The following SPRED1 variants were observed in gnomAD, a reference collection of about 807,000 sequenced individuals.
SPRED1 encodes the protein sprouty-related, EVH1 domain-containing protein 1.
Under a neutral mutation model 52.3 loss-of-function variants are expected in SPRED1, and 18 were observed. The ratio of observed to expected loss-of-function variants is 0.34; its 90% CI spans 0.24 to 0.51. The LOEUF (loss-of-function observed/expected upper bound fraction) is 0.51, where lower values mean the gene tolerates loss of function less well. SPRED1 is among the 20% of genes least tolerant of loss of function. The pLI is 0.97. For synonymous variants in SPRED1, 155 were observed against 179.7 expected, an observed-to-expected ratio of 0.86 and a Z score of 1.10; for missense variants, 485 against 551.0, an observed-to-expected ratio of 0.88 and a Z score of 1.20.
chr15:38,282,269 G>GT (rs1245016237), intron 1 of SPRED1, among the ~76,000 whole-genome samples: 1 of 151,964 alleles, frequency 6.6e-6, no homozygotes, highest in Non-Finnish European at 1.5e-5. Flanking sequence ...GAGGTCAGGA[G>GT]TTTGAGACCA....
At position 38,253,013 on chromosome 15, in the gene SPRED1, G is replaced by A; in HGVS notation, c.-173G>A. On this transcript the variant is annotated 5_prime_UTR_variant, in exon 1 of 7. Coordinates refer to ENST00000299084, the MANE Select transcript of SPRED1 (RefSeq NM_152594.3). ...GCCACCCCCCTGCGGGGGTGGCCGG[G>A]GTTCCCGGCTGGGGGGGTACCGTTC... 1.6e-6 allele frequency: 1 copy of A among 642,484 alleles called. No individual in the cohort carries two copies. The highest frequency in any genetic ancestry group is 2.7e-5 in the East Asian group (1 of 36,492). 39.8% of individuals were successfully genotyped at this position (642,484 alleles called of 1,614,324 possible).
At chr15:38,332,102 G>T (rs1009745506) in intron 4 of SPRED1, among the ~76,000 whole-genome samples, 1 of 152,182 alleles carries the variant, frequency 6.6e-6, no homozygotes, top group Non-Finnish European at 1.5e-5. Flanking sequence ...AGAGCACTGT[G>T]TGGATAGACT....
chr15:38,264,238 G>A (rs1373286334), intron 1 of SPRED1, among the ~76,000 whole-genome samples: 6 of 152,174 alleles, frequency 3.9e-5, no homozygotes, highest in African/African-American at 1.4e-4. Flanking sequence ...AACTTGCCAT[G>A]GCCACGCAAG....
chr15:38,300,364 A>G (rs1347917061), intron 2 of SPRED1, among the ~76,000 whole-genome samples: 1 of 152,184 alleles, frequency 6.6e-6, no homozygotes, highest in Non-Finnish European at 1.5e-5. Flanking sequence ...AAGTCCCAAA[A>G]TAGAGCCTTG....
chr15:38,305,753 A>G (rs569402976), intron 2 of SPRED1, among the ~76,000 whole-genome samples: 2 of 152,196 alleles, frequency 1.3e-5, no homozygotes, highest in Non-Finnish European at 2.9e-5. Flanking sequence ...TCAAATCTTC[A>G]GTATTCTTAA....
At chr15:38,297,458 T>C (rs1895063005) in intron 1 of SPRED1, among the ~76,000 whole-genome samples, 1 of 152,160 alleles carries the variant, frequency 6.6e-6, no homozygotes, top group Admixed American at 6.5e-5. Context: ...AATATCTACA[T>C]CAACCCAACC....
At chr15:38,321,643 G>A (rs1209864461) in intron 2 of SPRED1, among the ~76,000 whole-genome samples, 2 of 152,236 alleles carry the variant, frequency 1.3e-5, no homozygotes, top group East Asian at 3.9e-4. Flanking sequence ...GCCCAGGTTG[G>A]AGTGCAGTGA....
At chr15:38,328,956 T>C (rs1268732569) in intron 4 of SPRED1, among the ~76,000 whole-genome samples, 1 of 152,160 alleles carries the variant, frequency 6.6e-6, no homozygotes, top group Non-Finnish European at 1.5e-5. Flanking sequence ...GCTCAAGTGA[T>C]CCACCCACCC....
chr15:38,311,607 G>A (rs746595238), intron 2 of SPRED1, among the ~76,000 whole-genome samples: 1 of 151,998 alleles, frequency 6.6e-6, no homozygotes, highest in Non-Finnish European at 1.5e-5. Context: ...ATTGTTATAC[G>A]ACTATTCAGG....
At chr15:38,263,475 A>G (rs78053394) in intron 1 of SPRED1, among the ~76,000 whole-genome samples, 2,360 of 152,336 alleles carry the variant, frequency 0.015, 36 homozygotes, top group Middle Eastern at 0.02. Flanking sequence ...GAGAAACAGC[A>G]GTGTTTTTAA....
At position 38,257,649 on chromosome 15, in the gene SPRED1, A is replaced by G. The variant is rs573593169; in HGVS notation, c.32+4432A>G. ...GTGTTATATCCACAAGAAGGTAGAC[A>G]TTTGTGTGTCTGTCTTTTTTGGCAT... On this transcript the variant is annotated intron_variant, in intron 1 of 6. Transcript: ENST00000299084. Among the ~76,000 whole-genome samples the G allele has an allele frequency of 1.4e-4, 21 of 152,286 alleles. No homozygotes were observed. In the South Asian group the frequency reaches 4.3e-3, roughly 32 times the overall value.
chr15:38,351,356 A>G lies in SPRED1; in HGVS notation c.1027A>G (p.Asn343Asp). The G allele has an allele frequency of 6.2e-7, 1 of 1,614,172 alleles. No individual in the cohort carries two copies. The change falls in exon 7 of 7, where the codon AAT becomes GAT. Residue 343 changes from asparagine to aspartate, a missense_variant. Transcript: ENST00000299084. Reference sequence around the variant, plus strand: ...CTGCGTATACTGCCAGGAAAGGTTTAATCATGAAGAAAATGTTAGGGGAAA... The same window carrying G: ...CTGCGTATACTGCCAGGAAAGGTTTGATCATGAAGAAAATGTTAGGGGAAA... ...SRCVYCQERF[N>D]HEENVRGKCQ...
At chr15:38,277,509 C>G (rs548535375) in intron 1 of SPRED1, among the ~76,000 whole-genome samples, 1 of 152,260 alleles carries the variant, frequency 6.6e-6, no homozygotes, top group South Asian at 2.1e-4. Flanking sequence ...TTTTCTTTAT[C>G]CAGTCTGCCA....
chr15:38,272,770 A>G (rs1278459644), intron 1 of SPRED1, among the ~76,000 whole-genome samples: 1 of 151,784 alleles, frequency 6.6e-6, no homozygotes, highest in Admixed American at 6.6e-5. Context: ...TTTGTTTTGT[A>G]TTTCTCTGAT....
At chr15:38,308,666 C>T (rs74007152) in intron 2 of SPRED1, among the ~76,000 whole-genome samples, 6,308 of 152,194 alleles carry the variant, frequency 0.041, 443 homozygotes, top group African/African-American at 0.14. Context: ...TATTGAGTAT[C>T]TCCAGAGTTT....
intron 5 of SPRED1, among the ~76,000 whole-genome samples, chr15:38,342,407 A>C (rs755484759): frequency 2.6e-5 from 4 of 152,024 alleles, no homozygotes; most frequent in Non-Finnish European, 5.9e-5. Flanking sequence ...AACTTTATAA[A>C]ATTTAAAACC....
chr15:38,297,370 G>A (rs977244067), intron 1 of SPRED1, among the ~76,000 whole-genome samples: 18 of 152,196 alleles, frequency 1.2e-4, no homozygotes, highest in African/African-American at 4.1e-4. Flanking sequence ...TTATTATGTA[G>A]TCTGCTCCCA....
intron 2 of SPRED1, among the ~76,000 whole-genome samples, chr15:38,303,533 G>A (rs1283751874): frequency 2.0e-5 from 3 of 152,028 alleles, no homozygotes; most frequent in East Asian, 3.9e-4. Flanking sequence ...TTAAAATACC[G>A]AATTATAATA....
chr15:38,255,331 A>T (rs774338162), intron 1 of SPRED1, among the ~76,000 whole-genome samples: 11 of 151,998 alleles, frequency 7.2e-5, no homozygotes, highest in Non-Finnish European at 1.2e-4. Context: ...AAATTATCTC[A>T]CTCACCCAGA....
Sources: gnomAD v4.1 joint callset for allele counts (sites outside exome capture counted in the v4.1 genomes callset) on GRCh38, gnomAD v4.1.1 for gene constraint, MANE v1.5 for transcripts, NCBI Gene and HGNC (gene_info 2026-07-23, HGNC 2026-07-21) for gene names.